The following ZSWIM8 variants were observed in gnomAD, a reference collection of about 807,000 sequenced individuals.
ZSWIM8 encodes the protein zinc finger SWIM-type containing 8.
A neutral mutation model predicts 173.7 loss-of-function variants in ZSWIM8; 27 were observed. The ratio of observed to expected loss-of-function variants is 0.16; its 90% confidence interval spans 0.11 to 0.21. The LOEUF is 0.21. Ranked by LOEUF, ZSWIM8 falls within the 10% of genes least tolerant of loss-of-function variation. The probability of loss-of-function intolerance (pLI) is 1.00; values close to 1 mark genes in which losing one functional copy is unlikely to be tolerated. For missense variants in ZSWIM8, 1,627 were observed against 2,428.8 expected (o/e 0.67, Z 6.94); for synonymous variants, 958 against 962.0 (o/e 1.00, Z 0.08).
Position 73,797,270 on chromosome 10 carries a change from A to G in ZSWIM8, c.3432A>G (p.Thr1144=), listed in dbSNP as rs747753011. 33 of 1,613,956 alleles carry G rather than the reference A, an allele frequency of 2.0e-5. No homozygotes were observed. The highest frequency in any genetic ancestry group is 2.6e-5 in the Non-Finnish European group (31 of 1,179,856). ...GSPGRPKKKH[T]GMASIDSSAP... is the part of the protein sequence containing the mutation. ...CAGGACGGCCTAAGAAGAAGCACACAGGTAGGATAGCCTGTGGGCTAGCAT... is the reference window on the plus strand; with the variant it reads ...CAGGACGGCCTAAGAAGAAGCACACGGGTAGGATAGCCTGTGGGCTAGCAT... Residue 1144 remains threonine, a splice_region_variant and synonymous_variant, in exon 17 of 26, where the codon ACA becomes ACG. Coordinates refer to ENST00000604729, the MANE Select transcript of ZSWIM8 (RefSeq NM_001367799.1). This position sits in a 1 kb window ranked among gnomAD's most constrained non-coding sequence, Gnocchi z 5.6.
chr10:73,788,915 G>A (rs758231407), intron 2 of ZSWIM8, 92 bp downstream of exon 2: 6 of 1,544,894 alleles, frequency 3.9e-6, no homozygotes, highest in Non-Finnish European at 5.3e-6. Flanking sequence ...CATTGTATTT[G>A]GGGCAGTGGT....
At position 73,797,003 on chromosome 10, in the gene ZSWIM8, A is replaced by G. The variant is rs751054915; in HGVS notation, c.3263A>G (p.Lys1088Arg). 2 of 1,610,434 alleles carry G rather than the reference A, an allele frequency of 1.2e-6. No homozygotes were observed. The change falls in exon 16 of 26, where the codon AAG becomes AGG. Residue 1088 changes from lysine to arginine, a missense_variant. Transcript: ENST00000604729. The surrounding 1 kb of genome is among the most constrained non-coding windows in gnomAD (Gnocchi z 5.6). ...GGCCCCACTGAGGGCTTCACAGAGA[A>G]GAATGTGCCTGGTGAGGTGGGGGCA... ...GPGPTEGFTE[K>R]NVPESSPHSP...
chr10:73,799,214 G>A lies in ZSWIM8; in HGVS notation c.4389G>A (p.Glu1463=), dbSNP rs200650020. ...GGGAAGCTGGGCGGGGTATGCCTGA[G>A]GGTAGAGGGGGCCCAGGGACTGAGC... ...AGGEAGRGMP[E]GRGGPGTEPV... The change falls in exon 21 of 26, where the codon GAG becomes GAA. Residue 1463 remains glutamate (E), a synonymous_variant. Transcript: ENST00000604729. The A allele has an allele frequency of 3.7e-6, 6 of 1,606,628 alleles. No homozygotes were observed. The Admixed American group carries it at 5.1e-5, about 14-fold the overall frequency.
Position 73,785,628 on chromosome 10 carries a change from C to T in ZSWIM8, c.-251C>T, listed in dbSNP as rs995558755. On this transcript the variant is annotated 5_prime_UTR_variant, in exon 1 of 26. Transcript: ENST00000604729. ...CGCAGCCGCCTAGAGGCCCCAGCCG[C>T]CGAGCGCTTCGTCCCGGCCCTAAGT... is the stretch of plus-strand genomic sequence containing the variant. 1 of 575,056 alleles carries T rather than the reference C, an allele frequency of 1.7e-6. No homozygotes were observed. 35.6% of individuals were successfully genotyped at this position (575,056 alleles called of 1,614,324 possible). A position where few individuals can be genotyped will look rare whatever the true frequency, so the allele number is the denominator to read the frequency against.
At chr10:73,793,844 C>T in intron 11 of ZSWIM8, 21 bp from the exon 12 acceptor site, 1 of 1,594,820 alleles carries the variant, frequency 6.3e-7, no homozygotes, top group Admixed American at 1.7e-5. Flanking sequence ...TGCCTGTCTC[C>T]TGTGTTTCTT....
In ZSWIM8 at chr10:73,790,214, A is replaced by G; in HGVS notation, c.863A>G (p.Tyr288Cys). 6.2e-7 allele frequency: 1 copy of G among 1,613,768 alleles called. No individual in the cohort carries two copies. The highest frequency in any genetic ancestry group is 8.5e-7 in the Non-Finnish European group (1 of 1,179,764). Reference protein sequence around the residue: ...GPSASDQSTWYLDESTLTDNI... With the variant: ...GPSASDQSTWCLDESTLTDNI... ...TCAGCATCGGACCAGAGTACTTGGT[A>G]TCTGGATGAATCGACACTCACTGAC... The change falls in exon 7 of 26, where the codon TAT (tyrosine) becomes TGT (cysteine). Residue 288 changes from tyrosine (Y) to cysteine (C), a missense_variant. By Grantham distance (194) the Tyr-to-Cys change is radical. This residue lies in a region of ZSWIM8 where 39 missense variants were observed against 154.0 expected (regional missense o/e 0.25). Coordinates refer to ENST00000604729, the MANE Select transcript of ZSWIM8 (RefSeq NM_001367799.1).
Position 73,792,633 on chromosome 10 carries a change from C to A in ZSWIM8, c.2094C>A (p.Thr698=). ...PPGLLPGDVC[T]QDDLPSTDES... is the part of the protein sequence containing the mutation. The stretch of plus-strand genomic sequence containing the variant: ...GCCTACTGCCTGGGGATGTCTGTAC[C>A]CAGGACGACCTCCCTTCTACAGATG... The change falls in exon 10 of 26, where the codon ACC becomes ACA. Residue 698 remains threonine (T), a synonymous_variant. Transcript: ENST00000604729. The surrounding 1 kb of genome is among the most constrained non-coding windows in gnomAD (Gnocchi z 4.3). The A allele has an allele frequency of 1.2e-6, 2 of 1,613,998 alleles. No individual in the cohort carries two copies. The highest frequency in any genetic ancestry group is 1.7e-6 in the Non-Finnish European group (2 of 1,179,878).
intron 1 of ZSWIM8, among the ~76,000 whole-genome samples, chr10:73,788,358 A>G (rs1034475677): frequency 6.6e-6 from 1 of 152,206 alleles, no homozygotes. Flanking sequence ...CCATGTGAGC[A>G]GGGTTACTTG....
At chr10:73,790,710 G>A (rs1375210010) in intron 7 of ZSWIM8, among the ~76,000 whole-genome samples, 2 of 152,208 alleles carry the variant, frequency 1.3e-5, no homozygotes, top group Non-Finnish European at 1.5e-5. Context: ...TTAGCCAGGC[G>A]TGGTGGCGGG....
Position 73,801,671 on chromosome 10 carries a change from C to T in ZSWIM8, c.*152C>T. Reference sequence around the variant, plus strand: ...GCTGCTCTTGGGCTATAGCTTGGGGCCAAGATGTCTCACACCCTAGAAGCC... The same window carrying T: ...GCTGCTCTTGGGCTATAGCTTGGGGTCAAGATGTCTCACACCCTAGAAGCC... On this transcript the variant is annotated 3_prime_UTR_variant, in exon 26 of 26. Transcript: ENST00000604729. The surrounding 1 kb of genome is among the most constrained non-coding windows in gnomAD (Gnocchi z 4.9). 1 of 1,534,956 alleles carries T rather than the reference C, an allele frequency of 6.5e-7. No individual in the cohort carries two copies. The highest frequency in any genetic ancestry group is 8.7e-7 in the Non-Finnish European group (1 of 1,146,534).
At position 73,800,080 on chromosome 10, in the gene ZSWIM8, G is replaced by C; in HGVS notation, c.4735G>C (p.Ala1579Pro). ...GACTCCTCCCTCACTTGCTGCCACT[G>C]CTGTGTCTTTCCCCGTTCCTTCCAT... ...SVTPPSLAATAVSFPVPSMAP... is the reference protein window; with the variant it reads ...SVTPPSLAATPVSFPVPSMAP... The change falls in exon 22 of 26, where the codon GCT (alanine) becomes CCT (proline). Residue 1579 changes from alanine (A) to proline (P), a missense_variant. Transcript: ENST00000604729. The surrounding 1 kb of genome is among the most constrained non-coding windows in gnomAD (Gnocchi z 4.1). 6.2e-7 allele frequency: 1 copy of C among 1,613,808 alleles called. No homozygotes were observed. Among genetic ancestry groups the C allele is most frequent in the South Asian group, 1.1e-5 (1 of 91,084 alleles).
chr10:73,797,996 C>A lies in ZSWIM8; in HGVS notation c.3878C>A (p.Ala1293Asp). The A allele has an allele frequency of 6.2e-7, 1 of 1,614,058 alleles. No homozygotes were observed. Among genetic ancestry groups the A allele is most frequent in the Admixed American group, 1.7e-5 (1 of 60,032 alleles). ...HLCAFEIGLY[A>D]LGLHNFVSPN... ...TGCGCCTTCGAGATTGGGCTTTATGCCCTTGGCCTGCACAACTTTGTTTCT... is the reference window on the plus strand; with the variant it reads ...TGCGCCTTCGAGATTGGGCTTTATGACCTTGGCCTGCACAACTTTGTTTCT... Residue 1293 changes from alanine to aspartate, a missense_variant, in exon 19 of 26, where the codon GCC becomes GAC. By Grantham distance (126) the Ala-to-Asp change is moderately radical. Around this residue, in one of 18 missense-constraint regions of ZSWIM8, gnomAD observed 95 missense variants for 271.3 expected, o/e 0.35. Transcript: ENST00000604729. This position sits in a 1 kb window ranked among gnomAD's most constrained non-coding sequence, Gnocchi z 5.6.
In ZSWIM8 at chr10:73,791,630, G is replaced by A. The variant is rs2083416490; in HGVS notation, c.1319+131G>A. The stretch of plus-strand genomic sequence containing the variant: ...GGGAAACGGGAGGTGCTGAGCACTG[G>A]TGTTAGCAGTGATTTACGAGTCCTT... On this transcript the variant is annotated intron_variant, in intron 9 of 25. Transcript: ENST00000604729. This position sits in a 1 kb window ranked among gnomAD's most constrained non-coding sequence, Gnocchi z 6.0. 9 of 1,165,746 alleles carry A rather than the reference G, an allele frequency of 7.7e-6. No homozygotes were observed. The highest frequency in any genetic ancestry group is 1.1e-5 in the Non-Finnish European group (9 of 854,494). The allele number at this position is 1,165,746 out of a possible 1,614,324, so 72.2% of individuals were successfully genotyped here. A position where few individuals can be genotyped will look rare whatever the true frequency, so the allele number is the denominator to read the frequency against.
Position 73,789,044 on chromosome 10 carries a change from C to A in ZSWIM8, c.363-52C>A. 6.4e-7 allele frequency: 1 copy of A among 1,564,136 alleles called. No individual in the cohort carries two copies. The highest frequency in any genetic ancestry group is 8.7e-7 in the Non-Finnish European group (1 of 1,146,262). On this transcript the variant is annotated intron_variant, in intron 2 of 25. Transcript: ENST00000604729. This position sits in a 1 kb window ranked among gnomAD's most constrained non-coding sequence, Gnocchi z 6.8. ...AGGGCATTGTGGTCTCTGACAGGGTCTGCCAAAGGTTATTTGCTGAGTTGT... is the reference window on the plus strand; with the variant it reads ...AGGGCATTGTGGTCTCTGACAGGGTATGCCAAAGGTTATTTGCTGAGTTGT...
Position 73,801,690 on chromosome 10 carries a change from A to G in ZSWIM8, c.*171A>G. On this transcript the variant is annotated 3_prime_UTR_variant, in exon 26 of 26. Coordinates refer to ENST00000604729, the MANE Select transcript of ZSWIM8 (RefSeq NM_001367799.1). This position sits in a 1 kb window ranked among gnomAD's most constrained non-coding sequence, Gnocchi z 4.9. Reference sequence around the variant, plus strand: ...TTGGGGCCAAGATGTCTCACACCCTAGAAGCCTAGGGCTGGGGGAGACAGC... The same window carrying G: ...TTGGGGCCAAGATGTCTCACACCCTGGAAGCCTAGGGCTGGGGGAGACAGC... 2 of 1,533,884 alleles carry G rather than the reference A, an allele frequency of 1.3e-6. No homozygotes were observed. Among genetic ancestry groups the G allele is most frequent in the South Asian group, 2.4e-5 (2 of 83,210 alleles).
chr10:73,789,599 G>C lies in ZSWIM8; in HGVS notation c.630+60G>C. Reference sequence around the variant, plus strand: ...ACACTCCATCCCCCCCTTCTCTGCTGCATGCCTGGCTACAATGTGAGCCCC... The same window carrying C: ...ACACTCCATCCCCCCCTTCTCTGCTCCATGCCTGGCTACAATGTGAGCCCC... On this transcript the variant is annotated intron_variant, in intron 4 of 25. Transcript: ENST00000604729. The surrounding 1 kb of genome is among the most constrained non-coding windows in gnomAD (Gnocchi z 6.8). The C allele has an allele frequency of 6.3e-7, 1 of 1,576,580 alleles. No individual in the cohort carries two copies. Among genetic ancestry groups the C allele is most frequent in the Non-Finnish European group, 8.6e-7 (1 of 1,159,968 alleles).
intron 1 of ZSWIM8, chr10:73,786,401 T>G (rs1319232903): frequency 9.2e-6 from 3 of 327,460 alleles, no homozygotes; most frequent in African/African-American, 2.1e-5. Context: ...AGAAAGTAAA[T>G]CTTTCGTCAC....
rs376077155 is a variant in ZSWIM8, at chr10:73,797,859, C to G, written c.3741C>G (p.Phe1247Leu). 1 of 1,613,778 alleles carries G rather than the reference C, an allele frequency of 6.2e-7. No homozygotes were observed. The highest frequency in any genetic ancestry group is 1.3e-5 in the African/African-American group (1 of 74,876). ...QPSEAAAHFY[F>L]ELAKTVLIKA... ...CAGAGGCAGCTGCACACTTCTACTT[C>G]GAGCTGGCGAAGACAGTGCTGATCA... The change falls in exon 19 of 26, where the codon TTC becomes TTG. Residue 1247 changes from phenylalanine (F) to leucine (L), a missense_variant. Physicochemically the swap from Phe to Leu is conservative, Grantham distance 22. Coordinates refer to ENST00000604729, the MANE Select transcript of ZSWIM8 (RefSeq NM_001367799.1). The surrounding 1 kb of genome is among the most constrained non-coding windows in gnomAD (Gnocchi z 5.6).
intron 15 of ZSWIM8, 101 bp from the exon 16 acceptor site, chr10:73,796,673 T>C (rs1319369577): frequency 6.7e-7 from 1 of 1,491,514 alleles, no homozygotes; most frequent in African/African-American, 1.4e-5. Context: ...CCTGAGGATG[T>C]AGCAATTGGC....
Sources: allele counts gnomAD v4.1 joint callset (sites outside exome capture counted in the v4.1 genomes callset), GRCh38; gene constraint gnomAD v4.1.1; regional missense constraint gnomAD v4.1.1; non-coding constraint Gnocchi (gnomAD v3.1); transcripts MANE v1.5; gene names NCBI Gene and HGNC (gene_info 2026-07-23, HGNC 2026-07-21).